Variants in ADGRL2 observed in about 807,000 individuals in gnomAD.
The protein encoded by ADGRL2 is adhesion G protein-coupled receptor L2, also known as calcium-independent alpha-latrotoxin receptor 2.
In ADGRL2, 44 loss-of-function variants were observed where a neutral mutation model predicts 157.4. That is an observed-to-expected ratio of 0.28 (90% CI 0.22 to 0.36). The LOEUF is 0.36. Among genes scored for constraint, ADGRL2 ranks in the 10% least tolerant of loss-of-function variants. ADGRL2 has a pLI of 1.00. For missense variants in ADGRL2, 1,510 were observed against 1,768.9 expected, an observed-to-expected ratio of 0.85 and a Z score of 2.63; for synonymous variants, 585 against 624.7, an observed-to-expected ratio of 0.94 and a Z score of 0.95.
chr1:81,832,379 G>A (rs1441365781), intron 1 of ADGRL2, among the ~76,000 whole-genome samples: 5 of 152,062 alleles, frequency 3.3e-5, no homozygotes, highest in East Asian at 3.9e-4. Context: ...TCCTGACCTC[G>A]TGATCCACCT....
chr1:81,576,232 A>C (rs187586891), intron 2 of ADGRL2, among the ~76,000 whole-genome samples: 48 of 152,232 alleles, frequency 3.2e-4, no homozygotes, highest in African/African-American at 1.1e-3. Context: ...GTTTTCTATC[A>C]GTTTTCTAGG....
intron 2 of ADGRL2, among the ~76,000 whole-genome samples, chr1:81,491,456 A>G (rs1312538170): frequency 6.6e-6 from 1 of 151,852 alleles, no homozygotes; most frequent in African/African-American, 2.4e-5. Context: ...AAAAAAGACT[A>G]CTCAAGATTA....
At chr1:81,658,520 G>C (rs2082584091) in intron 3 of ADGRL2, among the ~76,000 whole-genome samples, 1 of 152,112 alleles carries the variant, frequency 6.6e-6, no homozygotes, top group African/African-American at 2.4e-5. Context: ...CACCCAAATA[G>C]TGTACATTGT....
intron 1 of ADGRL2, among the ~76,000 whole-genome samples, 147 bp downstream of exon 1, chr1:81,801,215 T>G (rs1373457458): frequency 6.6e-6 from 1 of 152,206 alleles, no homozygotes; most frequent in African/African-American, 2.4e-5. Context: ...GTAATCTTCT[T>G]TTGAGTTTGC....
At chr1:81,437,691 A>G (rs555914468) in intron 1 of ADGRL2, among the ~76,000 whole-genome samples, 2 of 152,336 alleles carry the variant, frequency 1.3e-5, no homozygotes, top group Non-Finnish European at 2.9e-5. Context: ...GTCCCTTCTG[A>G]GGCCACAGTA....
intron 2 of ADGRL2, among the ~76,000 whole-genome samples, chr1:81,531,175 A>G (rs1174391808): frequency 6.6e-6 from 1 of 152,182 alleles, no homozygotes; most frequent in African/African-American, 2.4e-5. Context: ...AGAAGAAAGA[A>G]ACTTTAAAGA....
intron 1 of ADGRL2, among the ~76,000 whole-genome samples, chr1:81,354,825 A>T (rs1663161136): frequency 6.6e-6 from 1 of 152,202 alleles, no homozygotes; most frequent in Admixed American, 6.5e-5. Context: ...CTTTTACCAA[A>T]TAGGTCTTAG....
intron 3 of ADGRL2, among the ~76,000 whole-genome samples, chr1:81,620,538 T>C (rs759885908): frequency 2.0e-5 from 3 of 152,232 alleles, no homozygotes; most frequent in East Asian, 1.9e-4. Flanking sequence ...TCTCCAAGTA[T>C]AGTCTCATCT....
chr1:81,782,478 G>A (rs2086857166), intron 2 of ADGRL2, among the ~76,000 whole-genome samples: 1 of 152,146 alleles, frequency 6.6e-6, no homozygotes, highest in South Asian at 2.1e-4. Context: ...TCCTGCATTA[G>A]AACCTAGCTG....
At chr1:81,352,467 T>G (rs1184146242) in intron 1 of ADGRL2, among the ~76,000 whole-genome samples, 1 of 152,180 alleles carries the variant, frequency 6.6e-6, no homozygotes, top group Non-Finnish European at 1.5e-5. Context: ...TTGCATATAG[T>G]TTAAGTCTTA....
At chr1:81,341,995 T>C (rs1209117269) in intron 1 of ADGRL2, among the ~76,000 whole-genome samples, 1 of 152,156 alleles carries the variant, frequency 6.6e-6, no homozygotes, top group Non-Finnish European at 1.5e-5. Context: ...GACAAATGTA[T>C]TCAATGCAGA....
chr1:81,669,319 C>CG (rs2082817909), intron 3 of ADGRL2, among the ~76,000 whole-genome samples: 1 of 152,022 alleles, frequency 6.6e-6, no homozygotes, highest in South Asian at 2.1e-4. Flanking sequence ...GAGACTGAGG[C>CG]GGGAAGATCA....
chr1:81,568,139 A>T (rs1046698083), intron 2 of ADGRL2, among the ~76,000 whole-genome samples: 1 of 152,072 alleles, frequency 6.6e-6, no homozygotes, highest in Non-Finnish European at 1.5e-5. Context: ...TTTTCTCTTT[A>T]AAAAAATTAT....
chr1:81,455,736 T>C (rs1025746968), intron 2 of ADGRL2, among the ~76,000 whole-genome samples: 3 of 152,238 alleles, frequency 2.0e-5, no homozygotes, highest in Non-Finnish European at 4.4e-5. Flanking sequence ...TACACATATA[T>C]GCTGTTCAGC....
chr1:81,461,251 A>C (rs1208445190), intron 2 of ADGRL2, among the ~76,000 whole-genome samples: 2 of 152,170 alleles, frequency 1.3e-5, no homozygotes, highest in African/African-American at 4.8e-5. Flanking sequence ...CCCACTGAGC[A>C]GTAAAAGCTT....
At chr1:81,855,440 C>CA (rs535401880) in intron 2 of ADGRL2, among the ~76,000 whole-genome samples, 282 of 152,022 alleles carry the variant, frequency 1.9e-3, no homozygotes, top group Non-Finnish European at 3.4e-3. Context: ...GGCCCTGTCT[C>CA]AAAAAAACCA....
At chr1:81,433,767 T>A (rs2077363098) in intron 1 of ADGRL2, among the ~76,000 whole-genome samples, 1 of 152,224 alleles carries the variant, frequency 6.6e-6, no homozygotes, top group South Asian at 2.1e-4. Context: ...CTCTCACTTT[T>A]CCGTGGATTG....
At chr1:81,809,271 G>A (rs535435085) in intron 1 of ADGRL2, among the ~76,000 whole-genome samples, 111 of 151,762 alleles carry the variant, frequency 7.3e-4, no homozygotes, top group Non-Finnish European at 1.3e-3. Flanking sequence ...CTTTTTTTGC[G>A]GTAGATTTAG....
chr1:81,771,925 T>C (rs989542777), intron 2 of ADGRL2, among the ~76,000 whole-genome samples: 5 of 152,164 alleles, frequency 3.3e-5, no homozygotes, highest in African/African-American at 9.7e-5. Context: ...TTATTCTCAA[T>C]CTCTTTTGCA....
Sources: gnomAD v4.1 joint callset for allele counts (sites outside exome capture counted in the v4.1 genomes callset) on GRCh38, gnomAD v4.1.1 for gene constraint, MANE v1.5 for transcripts, NCBI Gene and HGNC (gene_info 2026-07-23, HGNC 2026-07-21) for gene names.